The following SLC35F1 variants were observed in gnomAD, a reference collection of about 807,000 sequenced individuals.
The protein encoded by SLC35F1 is chromosome 6 open reading frame 169.
Under a neutral mutation model 48.7 loss-of-function variants are expected in SLC35F1, and 14 were observed. The observed-to-expected ratio is 0.29, with a 90% CI of 0.19 to 0.45. The LOEUF (loss-of-function observed/expected upper bound fraction) is 0.45, where lower values mean the gene tolerates loss of function less well. Among genes scored for constraint, SLC35F1 ranks in the 20% least tolerant of loss-of-function variants. The pLI, the probability that SLC35F1 is intolerant of heterozygous loss-of-function variation, is 1.00. For synonymous variants in SLC35F1, 190 were observed against 202.2 expected, an observed-to-expected ratio of 0.94 and a Z score of 0.51; for missense variants, 404 against 500.0, an observed-to-expected ratio of 0.81 and a Z score of 1.83.
chr6:118,312,180 T>G (rs1436600920), intron 7 of SLC35F1, among the ~76,000 whole-genome samples: 1 of 152,198 alleles, frequency 6.6e-6, no homozygotes. Flanking sequence ...TAGAGGCAGG[T>G]TCACACCTAA....
intron 1 of SLC35F1, among the ~76,000 whole-genome samples, chr6:118,123,005 A>T (rs955891024): frequency 6.6e-6 from 1 of 152,192 alleles, no homozygotes; most frequent in African/African-American, 2.4e-5. Context: ...GCAGCAGCTA[A>T]CTCATCTAAT....
Position 118,268,670 on chromosome 6 carries a change from C to T in SLC35F1, c.637+1516C>T, listed in dbSNP as rs529355831. Reference sequence around the variant, plus strand: ...TGTTGCCCAGGCTGGAGTGCAGTGGCGTAATTTCAGCTCACTGCAACCTCC... The same window carrying T: ...TGTTGCCCAGGCTGGAGTGCAGTGGTGTAATTTCAGCTCACTGCAACCTCC... On this transcript the variant is annotated intron_variant, in intron 4 of 7. Transcript: ENST00000360388. Among the ~76,000 whole-genome samples the T allele has an allele frequency of 1.3e-3, 163 of 129,946 alleles. 1 individual carries two copies. The highest frequency in any genetic ancestry group is 4.4e-3 in the African/African-American group (148 of 33,998). 85.2% of individuals were successfully genotyped at this position (129,946 alleles called of 152,430 possible). A position where few individuals can be genotyped will look rare whatever the true frequency, so the allele number is the denominator to read the frequency against.
chr6:118,310,490 G>A (rs953276807), intron 7 of SLC35F1, among the ~76,000 whole-genome samples: 10 of 152,114 alleles, frequency 6.6e-5, no homozygotes, highest in African/African-American at 2.4e-4. Context: ...AAACTAAAAA[G>A]AAGGAAAAAT....
intron 2 of SLC35F1, among the ~76,000 whole-genome samples, chr6:118,156,464 A>C (rs1390277840): frequency 6.6e-6 from 1 of 152,078 alleles, no homozygotes; most frequent in East Asian, 1.9e-4. Context: ...CATAGGTGGG[A>C]ATTGAACAAT....
chr6:118,299,322 G>A (rs1181451489), intron 7 of SLC35F1, among the ~76,000 whole-genome samples: 1 of 152,222 alleles, frequency 6.6e-6, no homozygotes, highest in African/African-American at 2.4e-5. Flanking sequence ...AGGGCAGGCA[G>A]AATGGCAGCG....
rs1582661379 is a variant in SLC35F1 at position 118,091,842 on chromosome 6, G to C, written c.174-62603G>C. Among the ~76,000 whole-genome samples the C allele has an allele frequency of 2.0e-5, 3 of 152,290 alleles. 1 individual carries two copies. The South Asian group carries it at 6.2e-4, about 32-fold the overall frequency. On this transcript the variant is annotated intron_variant, in intron 1 of 7. Transcript: ENST00000360388. ...GGACAATAAAGTCTAGGCTAAGGTGGTCTCAGATGGAGATGAGGAACTTGT... is the reference window on the plus strand; with the variant it reads ...GGACAATAAAGTCTAGGCTAAGGTGCTCTCAGATGGAGATGAGGAACTTGT...
chr6:118,291,000 G>A (rs944168345), intron 7 of SLC35F1, among the ~76,000 whole-genome samples: 2 of 151,658 alleles, frequency 1.3e-5, no homozygotes, highest in African/African-American at 2.4e-5. Flanking sequence ...TCACTATGTT[G>A]GCCAGCCTGG....
chr6:118,284,658 G>A (rs283081), intron 6 of SLC35F1, among the ~76,000 whole-genome samples: 82,440 of 151,918 alleles, frequency 0.54, 22,885 homozygotes, highest in African/African-American at 0.63. Flanking sequence ...CAATGAATTC[G>A]TCCACCCAAG....
At chr6:118,280,033 A>G (rs1393732204) in intron 6 of SLC35F1, among the ~76,000 whole-genome samples, 1 of 152,210 alleles carries the variant, frequency 6.6e-6, no homozygotes, top group Non-Finnish European at 1.5e-5. Flanking sequence ...AGCACTTTTA[A>G]AAACAGATTT....
At chr6:117,927,768 G>A (rs143999530) in intron 1 of SLC35F1, among the ~76,000 whole-genome samples, 144 of 152,314 alleles carry the variant, frequency 9.5e-4, no homozygotes, top group African/African-American at 3.4e-3. Flanking sequence ...CAAGTTTTGA[G>A]TTCTGGGATT....
At chr6:118,239,494 CT>C (rs5879455) in intron 3 of SLC35F1, among the ~76,000 whole-genome samples, 75,326 of 149,120 alleles carry the variant, frequency 0.51, 19,158 homozygotes, top group East Asian at 0.73. Flanking sequence ...CCATAGTTGG[CT>C]TTTTTTTTTC....
chr6:118,134,590 C>T (rs74829059), intron 1 of SLC35F1, among the ~76,000 whole-genome samples: 53 of 152,284 alleles, frequency 3.5e-4, no homozygotes, highest in African/African-American at 1.2e-3. Context: ...GGTGAACTTG[C>T]GGCAGAGACC....
At chr6:118,166,361 A>G (rs973492556) in intron 2 of SLC35F1, among the ~76,000 whole-genome samples, 1 of 152,148 alleles carries the variant, frequency 6.6e-6, no homozygotes, top group Non-Finnish European at 1.5e-5. Context: ...TCAATGGACT[A>G]CTGGGGCCTT....
At chr6:118,243,170 G>A (rs745741808) in intron 3 of SLC35F1, among the ~76,000 whole-genome samples, 6 of 152,078 alleles carry the variant, frequency 3.9e-5, no homozygotes, top group Non-Finnish European at 7.3e-5. Context: ...TAACTCTCAG[G>A]CCTTTCTGGG....
At chr6:118,294,921 G>A (rs920864575) in intron 7 of SLC35F1, among the ~76,000 whole-genome samples, 9 of 152,006 alleles carry the variant, frequency 5.9e-5, no homozygotes, top group Non-Finnish European at 7.4e-5. Context: ...TCATGTGCAT[G>A]TTTTCATTAG....
intron 1 of SLC35F1, among the ~76,000 whole-genome samples, chr6:118,043,917 C>G (rs866597710): frequency 6.6e-6 from 1 of 152,060 alleles, no homozygotes; most frequent in African/African-American, 2.4e-5. Context: ...TCTGATTTTC[C>G]CTATTGTCTG....
chr6:117,930,360 T>C (rs953149189), intron 1 of SLC35F1, among the ~76,000 whole-genome samples: 1 of 152,194 alleles, frequency 6.6e-6, no homozygotes, highest in Non-Finnish European at 1.5e-5. Context: ...AGGACTCATA[T>C]CTTTTGACTC....
At chr6:118,231,029 T>C (rs1177612459) in intron 2 of SLC35F1, among the ~76,000 whole-genome samples, 6 of 151,972 alleles carry the variant, frequency 3.9e-5, no homozygotes, top group Non-Finnish European at 7.4e-5. Context: ...ATCAAGATGA[T>C]CATTTGAGGA....
rs7767836 is a variant in SLC35F1 at position 118,201,384 on chromosome 6, C to T, written c.350-34125C>T. 2.5e-3 allele frequency among the ~76,000 whole-genome samples: 373 copies of T among 152,182 alleles called. 3 individuals carry two copies. The highest frequency in any genetic ancestry group is 8.1e-3 in the African/African-American group (336 of 41,516). On this transcript the variant is annotated intron_variant, in intron 2 of 7. Coordinates refer to ENST00000360388, the MANE Select transcript of SLC35F1 (RefSeq NM_001029858.4). ...GCAGTTTCCAGCACATATCATTTCT[C>T]GTAATCAGATTTCTTCAACAGATGT...
Sources: gnomAD v4.1 joint callset for allele counts (sites outside exome capture counted in the v4.1 genomes callset) on GRCh38, gnomAD v4.1.1 for gene constraint, MANE v1.5 for transcripts, NCBI Gene and HGNC (gene_info 2026-07-23, HGNC 2026-07-21) for gene names.